CIT: variants seen among roughly 807,000 people sequenced by gnomAD.
CIT encodes the protein citron Rho-interacting kinase.
Under a neutral mutation model 272.7 loss-of-function variants are expected in CIT, and 79 were observed. That is an observed-to-expected ratio of 0.29 (90% CI 0.24 to 0.35). The LOEUF (loss-of-function observed/expected upper bound fraction) is 0.35. Ranked by LOEUF, CIT falls within the 10% of genes least tolerant of loss-of-function variation. CIT has a pLI of 1.00. For missense variants in CIT, 1,909 were observed against 2,618.3 expected (o/e 0.73, Z 5.91); for synonymous variants, 948 against 995.6 (o/e 0.95, Z 0.90).
At chr12:119,795,367 A>G (rs1362124779) in intron 10 of CIT, among the ~76,000 whole-genome samples, 2 of 152,206 alleles carry the variant, frequency 1.3e-5, no homozygotes, top group Non-Finnish European at 2.9e-5. Context: ...AGCGTGGGCA[A>G]CAGAATGAGA....
chr12:119,860,198 T>A (rs889316814), intron 3 of CIT, among the ~76,000 whole-genome samples: 1 of 152,170 alleles, frequency 6.6e-6, no homozygotes, highest in Admixed American at 6.6e-5. Flanking sequence ...AGGCTTATAA[T>A]GAGTGCCGCG....
intron 44 of CIT, 127 bp from the exon 45 acceptor site, chr12:119,698,181 T>G: frequency 1.3e-6 from 1 of 785,526 alleles, no homozygotes; most frequent in Non-Finnish European, 2.2e-6. Flanking sequence ...AACAAATACA[T>G]ATCTATGCGC....
intron 3 of CIT, among the ~76,000 whole-genome samples, chr12:119,859,394 T>C (rs1035855879): frequency 5.3e-5 from 8 of 152,166 alleles, no homozygotes; most frequent in Admixed American, 5.2e-4. Context: ...TACTCAGCCC[T>C]GCAAGTGGCT....
intron 24 of CIT, among the ~76,000 whole-genome samples, chr12:119,736,214 C>A (rs563881827): frequency 1.1e-4 from 17 of 152,182 alleles, no homozygotes; most frequent in African/African-American, 3.6e-4. Flanking sequence ...CTGAGGCACA[C>A]AGGCAGTAAA....
At chr12:119,699,232 G>A (rs1165446760) in intron 44 of CIT, among the ~76,000 whole-genome samples, 2 of 148,110 alleles carry the variant, frequency 1.4e-5, no homozygotes, top group Admixed American at 6.7e-5. Context: ...CTACAGCCTG[G>A]GCAACAAGAG....
rs377334894 is a variant in CIT at position 119,741,006 on chromosome 12, C to T, written c.2958+1405G>A. 1.4e-4 allele frequency among the ~76,000 whole-genome samples: 21 copies of T among 152,272 alleles called. 1 individual carries two copies. The South Asian group carries it at 1.7e-3, about 12-fold the overall frequency. ...AATTCTTGGGGATATGTTCACCAGA[C>T]GTAAGTGCTCACAGCCACCAAAGGC... is the stretch of plus-strand genomic sequence containing the variant. On this transcript the variant is annotated intron_variant, in intron 24 of 47. Coordinates refer to ENST00000392521, the MANE Select transcript of CIT (RefSeq NM_001206999.2).
chr12:119,866,144 TC>T (rs1216448452), intron 3 of CIT, among the ~76,000 whole-genome samples: 1 of 151,994 alleles, frequency 6.6e-6, no homozygotes, highest in African/African-American at 2.4e-5. Flanking sequence ...GTTAGAATCT[TC>T]CCTGGGGTTG....
rs982825017 is a variant in CIT, at chr12:119,877,233, G to A, written c.-14+16C>T. 2.6e-4 allele frequency: 40 copies of A among 152,234 alleles called. No individual in the cohort carries two copies. The highest frequency in any genetic ancestry group is 9.6e-4 in the African/African-American group (40 of 41,456). The allele number at this position is 152,234 out of a possible 1,614,324, so 9.4% of individuals were successfully genotyped here. The stretch of plus-strand genomic sequence containing the variant: ...AGCCGGGTGCGGTAGAATTGGGTCT[G>A]GGGGATCAGACTCACGCTCTGCGAA... On this transcript the variant is annotated intron_variant, in intron 1 of 47. Transcript: ENST00000392521.
At chr12:119,748,312 TTTTGGAAGTA>T (rs1565982772) in intron 23 of CIT, among the ~76,000 whole-genome samples, 1 of 152,214 alleles carries the variant, frequency 6.6e-6, no homozygotes, top group East Asian at 1.9e-4. Context: ...AGATACTTTC[TTTTGGAAGTA>T]TTTATGCCTT....
intron 4 of CIT, among the ~76,000 whole-genome samples, chr12:119,852,391 G>A (rs1015156237): frequency 6.6e-6 from 1 of 152,184 alleles, no homozygotes; most frequent in African/African-American, 2.4e-5. Context: ...TGTCACGTGT[G>A]ATCCTCAACT....
chr12:119,690,894 C>T lies in CIT; in HGVS notation c.5883-440G>A, dbSNP rs1456608351. Among the ~76,000 whole-genome samples, 2 of 152,176 alleles carry T rather than the reference C, an allele frequency of 1.3e-5. No homozygotes were observed. The highest frequency in any genetic ancestry group is 2.9e-5 in the Non-Finnish European group (2 of 68,030). On this transcript the variant is annotated intron_variant, in intron 46 of 47. Coordinates refer to ENST00000392521, the MANE Select transcript of CIT (RefSeq NM_001206999.2). The surrounding 1 kb of genome is among the most constrained non-coding windows in gnomAD (Gnocchi z 6.0). ...TTCCAATAAAGACCAGTTTGATAGG[C>T]CAGGCGCAGTGGCGCACACCTGTAA...
In CIT at chr12:119,713,437, T is replaced by C. The variant is rs935070410; in HGVS notation, c.4487+31A>G. The stretch of plus-strand genomic sequence containing the variant: ...GGACAGAGTGGCTTGTGCCAGCACC[T>C]GCTCCAGCCCAAGCCACCCTGACAT... On this transcript the variant is annotated intron_variant, in intron 34 of 47. Coordinates refer to ENST00000392521, the MANE Select transcript of CIT (RefSeq NM_001206999.2). This position sits in a 1 kb window ranked among gnomAD's most constrained non-coding sequence, Gnocchi z 5.2. 23 of 1,603,758 alleles carry C rather than the reference T, an allele frequency of 1.4e-5. No individual in the cohort carries two copies. The highest frequency in any genetic ancestry group is 1.8e-5 in the Non-Finnish European group (21 of 1,174,504).
At chr12:119,769,988 C>A (rs77702448) in intron 18 of CIT, among the ~76,000 whole-genome samples, 1,772 of 151,222 alleles carry the variant, frequency 0.012, 38 homozygotes, top group African/African-American at 0.041. Context: ...TGACCAATGA[C>A]TTCAGAGACT....
intron 25 of CIT, 115 bp from the exon 26 acceptor site, chr12:119,734,472 G>A (rs918325218): frequency 1.7e-5 from 20 of 1,155,720 alleles, no homozygotes; most frequent in East Asian, 7.5e-5. Flanking sequence ...TTTGAAATGC[G>A]GTTTGTCTTT....
At chr12:119,844,060 C>T (rs1243842180) in intron 5 of CIT, among the ~76,000 whole-genome samples, 1 of 138,784 alleles carries the variant, frequency 7.2e-6, no homozygotes, top group Non-Finnish European at 1.5e-5. Flanking sequence ...CTTGCTTTGT[C>T]GCCCAGGCTG....
intron 23 of CIT, among the ~76,000 whole-genome samples, chr12:119,745,373 G>GA (rs1959205778): frequency 9.0e-4 from 2 of 2,234 alleles, no homozygotes; most frequent in African/African-American, 1.9e-3. Flanking sequence ...GAAGAAACAA[G>GA]CAAAAAAAAA....
chr12:119,782,372 G>C, intron 13 of CIT, 146 bp downstream of exon 13: 1 of 780,702 alleles, frequency 1.3e-6, no homozygotes, highest in Non-Finnish European at 2.0e-6. Context: ...GTTTCTGAAT[G>C]ACCTACATAC....
At chr12:119,772,942 G>A in intron 16 of CIT, 32 bp from the exon 17 acceptor site, 1 of 1,591,490 alleles carries the variant, frequency 6.3e-7, no homozygotes, top group Non-Finnish European at 8.5e-7. Flanking sequence ...GAGATAGGTG[G>A]GCAAATTTAT....
intron 4 of CIT, among the ~76,000 whole-genome samples, chr12:119,854,466 C>T (rs1444399114): frequency 2.0e-5 from 3 of 151,254 alleles, no homozygotes; most frequent in African/African-American, 2.4e-5. Flanking sequence ...GGCAAAACCC[C>T]GTCTCTACTA....
Sources: gnomAD v4.1 joint callset for allele counts (sites outside exome capture counted in the v4.1 genomes callset) on GRCh38, gnomAD v4.1.1 for gene constraint, Gnocchi (gnomAD v3.1) non-coding constraint, MANE v1.5 for transcripts, NCBI Gene and HGNC (gene_info 2026-07-23, HGNC 2026-07-21) for gene names.